The following FMNL2 variants were observed in gnomAD, a reference collection of about 807,000 sequenced individuals.
The protein encoded by FMNL2 is formin like 2.
A neutral mutation model predicts 130.2 loss-of-function variants in FMNL2; 51 were observed. The ratio of observed to expected loss-of-function variants is 0.39; its 90% CI spans 0.31 to 0.49. FMNL2 has a LOEUF of 0.49. FMNL2 is among the 20% of genes least tolerant of loss of function. The probability of loss-of-function intolerance (pLI) is 0.85; values close to 1 mark genes in which losing one functional copy is unlikely to be tolerated. For synonymous variants in FMNL2, 465 were observed against 467.1 expected (o/e 1.00, Z 0.06); for missense variants, 977 against 1,316.2 (o/e 0.74, Z 3.99).
chr2:152,573,968 G>A (rs1006054013), intron 6 of FMNL2, among the ~76,000 whole-genome samples: 2 of 152,178 alleles, frequency 1.3e-5, no homozygotes, highest in Non-Finnish European at 2.9e-5. Flanking sequence ...GAAGCCCTTT[G>A]TGTTAATGTT....
chr2:152,630,615 G>A (rs1388086249), intron 20 of FMNL2, among the ~76,000 whole-genome samples: 1 of 152,152 alleles, frequency 6.6e-6, no homozygotes, highest in Non-Finnish European at 1.5e-5. Context: ...TGAGTCCCCC[G>A]ACCAGGGAGC....
chr2:152,605,018 A>G (rs1553485424), intron 9 of FMNL2, among the ~76,000 whole-genome samples: 1 of 150,266 alleles, frequency 6.7e-6, no homozygotes, highest in Non-Finnish European at 1.5e-5. Flanking sequence ...TTTGGGCGTA[A>G]GATGTGACTG....
At chr2:152,622,575 G>A in intron 15 of FMNL2, 1 of 456,656 alleles carries the variant, frequency 2.2e-6, no homozygotes, top group Non-Finnish European at 4.4e-6. Context: ...GCTCCTCACT[G>A]AGTGTGTTGA....
At chr2:152,447,314 G>A (rs945727336) in intron 1 of FMNL2, among the ~76,000 whole-genome samples, 4 of 151,990 alleles carry the variant, frequency 2.6e-5, no homozygotes, top group Admixed American at 2.6e-4. Context: ...TGTTGCCCAG[G>A]CCGATCTTGA....
chr2:152,407,435 G>A (rs1579591095), intron 1 of FMNL2, among the ~76,000 whole-genome samples: 1 of 151,978 alleles, frequency 6.6e-6, no homozygotes, highest in Non-Finnish European at 1.5e-5. Context: ...TCCTGACAGC[G>A]CCTCCCTTCA....
intron 9 of FMNL2, among the ~76,000 whole-genome samples, chr2:152,582,894 C>G (rs1370150732): frequency 6.6e-6 from 1 of 152,112 alleles, no homozygotes; most frequent in Non-Finnish European, 1.5e-5. Flanking sequence ...TCTGATTATA[C>G]TGCAGGTCAG....
chr2:152,475,226 T>C (rs1157320195), intron 1 of FMNL2, among the ~76,000 whole-genome samples: 2 of 152,254 alleles, frequency 1.3e-5, no homozygotes, highest in Non-Finnish European at 2.9e-5. Flanking sequence ...ATCTAGTTTA[T>C]CTTTGGACCC....
intron 1 of FMNL2, among the ~76,000 whole-genome samples, chr2:152,336,233 G>T (rs1560275512): frequency 1.3e-5 from 2 of 152,168 alleles, no homozygotes; most frequent in Admixed American, 1.3e-4. Context: ...GCGGTGAGCG[G>T]AGGCGAACTT....
At chr2:152,579,348 A>G (rs953940281) in intron 8 of FMNL2, among the ~76,000 whole-genome samples, 32 of 152,212 alleles carry the variant, frequency 2.1e-4, no homozygotes, top group African/African-American at 7.5e-4. Context: ...TCCTTCGTCT[A>G]CACTTCGCTT....
chr2:152,350,539 C>T (rs541318076), intron 1 of FMNL2, among the ~76,000 whole-genome samples: 1 of 152,240 alleles, frequency 6.6e-6, no homozygotes, highest in African/African-American at 2.4e-5. Flanking sequence ...GTGAGCTGTG[C>T]CCTAAATGCA....
At chr2:152,400,430 C>T (rs1319057184) in intron 1 of FMNL2, among the ~76,000 whole-genome samples, 1 of 149,804 alleles carries the variant, frequency 6.7e-6, no homozygotes, top group Non-Finnish European at 1.5e-5. Flanking sequence ...GAGCCAGACT[C>T]GGTCTCAAAA....
At chr2:152,395,406 A>G (rs944877112) in intron 1 of FMNL2, among the ~76,000 whole-genome samples, 15 of 152,238 alleles carry the variant, frequency 9.9e-5, no homozygotes, top group Admixed American at 3.3e-4. Flanking sequence ...TCCAAGGGAC[A>G]TTGGGTTTAG....
intron 4 of FMNL2, among the ~76,000 whole-genome samples, chr2:152,555,023 C>T (rs1167828743): frequency 2.0e-5 from 3 of 152,096 alleles, no homozygotes; most frequent in African/African-American, 4.8e-5. Context: ...TATCTAAGGG[C>T]GTTCTTAAGT....
intron 1 of FMNL2, among the ~76,000 whole-genome samples, chr2:152,401,948 C>T (rs904886783): frequency 7.0e-6 from 1 of 143,486 alleles, no homozygotes; most frequent in African/African-American, 2.6e-5. Flanking sequence ...TTCTGTCACC[C>T]AGGCTGGAAT....
chr2:152,408,839 T>G (rs1378673674), intron 1 of FMNL2, among the ~76,000 whole-genome samples: 2 of 152,186 alleles, frequency 1.3e-5, no homozygotes, highest in Non-Finnish European at 2.9e-5. Flanking sequence ...GGTACTGGAA[T>G]TATGGTTTCT....
intron 1 of FMNL2, among the ~76,000 whole-genome samples, chr2:152,412,459 T>G (rs1403365517): frequency 1.1e-3 from 9 of 7,946 alleles, no homozygotes; most frequent in Non-Finnish European, 2.4e-3. Context: ...TATATATATA[T>G]ATATATATAT....
At chr2:152,558,057 A>G (rs1435283887) in intron 4 of FMNL2, among the ~76,000 whole-genome samples, 8 of 152,228 alleles carry the variant, frequency 5.3e-5, no homozygotes, top group African/African-American at 1.9e-4. Context: ...AGCATTCTCC[A>G]TGCACTGTGG....
chr2:152,522,183 T>C (rs939898880), intron 2 of FMNL2, among the ~76,000 whole-genome samples, 157 bp downstream of exon 2: 21 of 152,200 alleles, frequency 1.4e-4, no homozygotes, highest in African/African-American at 5.1e-4. Flanking sequence ...AATAACAATA[T>C]GTTTGTGTGG....
rs201149252 is a variant in FMNL2, at chr2:152,551,623, T to C, written c.359+2526T>C. On this transcript the variant is annotated intron_variant, in intron 4 of 25. Coordinates refer to ENST00000288670, the MANE Select transcript of FMNL2 (RefSeq NM_052905.4). Reference sequence around the variant, plus strand: ...TATCTTCTGAAAAATTACTCAATAATGATGAAAATAATCAGTTACTAAAAT... The same window carrying C: ...TATCTTCTGAAAAATTACTCAATAACGATGAAAATAATCAGTTACTAAAAT... Among the ~76,000 whole-genome samples, 12 of 152,344 alleles carry C rather than the reference T, an allele frequency of 7.9e-5. No homozygotes were observed. In the East Asian group the frequency reaches 2.3e-3, roughly 29 times the overall value.
Sources: gnomAD v4.1 joint callset for allele counts (sites outside exome capture counted in the v4.1 genomes callset) on GRCh38, gnomAD v4.1.1 for gene constraint, MANE v1.5 for transcripts, NCBI Gene and HGNC (gene_info 2026-07-23, HGNC 2026-07-21) for gene names.